The following ADGRG4 variants were observed in gnomAD, a reference collection of about 807,000 sequenced individuals.
ADGRG4 encodes the protein G protein-coupled receptor 112.
In ADGRG4, 122 loss-of-function variants were observed where a neutral mutation model predicts 126.2. That is an observed-to-expected ratio of 0.97 (90% confidence interval 0.83 to 1.12). The LOEUF is 1.12. Ranked by LOEUF, ADGRG4 falls within the 50% of genes most tolerant of loss-of-function variation. The pLI, the probability that ADGRG4 is intolerant of heterozygous loss-of-function variation, is 0.00. For synonymous variants in ADGRG4, 943 were observed against 838.7 expected (o/e 1.12, Z -2.15); for missense variants, 2,481 against 2,251.8 (o/e 1.10, Z -2.06).
chrX:136,356,300 CT>C, intron 9 of ADGRG4, 135 bp downstream of exon 9: 1 of 379,045 alleles, frequency 2.6e-6, no homozygotes, highest in Admixed American at 4.3e-5. Flanking sequence ...AATTACATTA[CT>C]TCCTTTGGGA....
chrX:136,372,081 T>C (rs998756221), intron 14 of ADGRG4, among the ~76,000 whole-genome samples: 4 of 111,516 alleles, frequency 3.6e-5, no homozygotes, highest in African/African-American at 1.3e-4. Context: ...ATCTTAGTGA[T>C]AGCAAGCTTT....
At chrX:136,388,709 C>T (rs949474197) in intron 16 of ADGRG4, among the ~76,000 whole-genome samples, 3 of 111,706 alleles carry the variant, frequency 2.7e-5, no homozygotes, top group African/African-American at 9.8e-5. Context: ...ATTGGGAAGA[C>T]AGTAATCAGA....
In ADGRG4 at chrX:136,322,808, A is replaced by AT. The variant is rs1238901032; in HGVS notation, c.108dup (p.Gly37TrpfsTer4). 3.4e-6 allele frequency: 4 copies of AT among 1,188,113 alleles called. No homozygotes were observed. Among genetic ancestry groups the AT allele is most frequent in the East Asian group, 3.0e-5 (1 of 33,547 alleles). ...CTTTCACTAAAAGGAAAAAAGCTGG[A>AT]TTTTTTTGGAAGAGGTGACACATAT... On this transcript the variant is annotated frameshift_variant, in exon 5 of 26. Transcript: ENST00000394143. LOFTEE classifies it high-confidence loss of function.
intron 4 of ADGRG4, among the ~76,000 whole-genome samples, chrX:136,312,581 G>A (rs1186475853): frequency 3.6e-5 from 4 of 111,612 alleles, no homozygotes; most frequent in East Asian, 2.8e-4. Flanking sequence ...AGTTAAGATC[G>A]CGTCATTGCA....
intron 21 of ADGRG4, among the ~76,000 whole-genome samples, chrX:136,402,251 T>C (rs985181073): frequency 3.6e-5 from 4 of 112,504 alleles, no homozygotes; most frequent in African/African-American, 1.3e-4. Context: ...ACAGTAGATT[T>C]GTTTATATTT....
At chrX:136,362,165 T>C (rs2075132639) in intron 12 of ADGRG4, among the ~76,000 whole-genome samples, 1 of 111,614 alleles carries the variant, frequency 9.0e-6, no homozygotes, top group African/African-American at 3.3e-5. Flanking sequence ...CTGTTCATGG[T>C]TTATGCCATT....
chrX:136,329,562 C>T (rs2074895599), intron 5 of ADGRG4, among the ~76,000 whole-genome samples: 1 of 112,147 alleles, frequency 8.9e-6, no homozygotes, highest in Non-Finnish European at 1.9e-5. Context: ...TATGGCAAAT[C>T]ATGTTTGTGA....
intron 16 of ADGRG4, among the ~76,000 whole-genome samples, chrX:136,389,632 G>A (rs773867905): frequency 8.9e-6 from 1 of 112,158 alleles, no homozygotes; most frequent in East Asian, 2.8e-4. Flanking sequence ...TGGATATTGA[G>A]GACCTCGAGT....
intron 23 of ADGRG4, among the ~76,000 whole-genome samples, chrX:136,410,225 C>T (rs887466647): frequency 5.4e-5 from 6 of 111,584 alleles, no homozygotes; most frequent in Admixed American, 9.5e-5. Context: ...TCTCTTCTCA[C>T]CCTATGTTTT....
At chrX:136,370,177 C>G (rs1391341628) in intron 13 of ADGRG4, among the ~76,000 whole-genome samples, 3 of 111,498 alleles carry the variant, frequency 2.7e-5, no homozygotes, top group African/African-American at 9.8e-5. Flanking sequence ...ATTTTGTTTT[C>G]TGAAACAGAG....
rs371463537 is a variant in ADGRG4 at position 136,353,416 on chromosome X, T to A, written c.6887+15T>A. On this transcript the variant is annotated intron_variant, in intron 8 of 25. Transcript: ENST00000394143. ...ATTAAAAGCAGGTATGTGAATGACATTTACTGTGGGTCAAAGGGCAATTTG... is the reference window on the plus strand; with the variant it reads ...ATTAAAAGCAGGTATGTGAATGACAATTACTGTGGGTCAAAGGGCAATTTG... The A allele has an allele frequency of 2.0e-4, 225 of 1,131,899 alleles. No homozygotes were observed. Among genetic ancestry groups the A allele is most frequent in the Non-Finnish European group, 2.6e-4 (218 of 825,336 alleles). The allele number at this position is 1,131,899 out of a possible 1,213,427, so 93.3% of individuals were successfully genotyped here.
chrX:136,337,181 C>G (rs571272249), intron 5 of ADGRG4, among the ~76,000 whole-genome samples: 3 of 111,470 alleles, frequency 2.7e-5, no homozygotes, highest in Non-Finnish European at 5.7e-5. Flanking sequence ...GCTGCCCAGG[C>G]TGGTCTTGAA....
In ADGRG4 at chrX:136,345,451, C is replaced by T; in HGVS notation, c.1745C>T (p.Thr582Ile). 1 of 1,209,837 alleles carries T rather than the reference C, an allele frequency of 8.3e-7. No individual in the cohort carries two copies. The highest frequency in any genetic ancestry group is 1.1e-6 in the Non-Finnish European group (1 of 893,935). Reference protein sequence around the residue: ...QTVIDAEATRTALTPEITLAS... With the variant: ...QTVIDAEATRIALTPEITLAS... Reference sequence around the variant, plus strand: ...GTTATTGATGCTGAAGCTACACGTACAGCCTTAACTCCTGAAATCACACTT... The same window carrying T: ...GTTATTGATGCTGAAGCTACACGTATAGCCTTAACTCCTGAAATCACACTT... The change falls in exon 6 of 26, where the codon ACA becomes ATA. Residue 582 changes from threonine to isoleucine, a missense_variant. By Grantham distance (89) the Thr-to-Ile change is moderately conservative. Coordinates refer to ENST00000394143, the MANE Select transcript of ADGRG4 (RefSeq NM_153834.4).
chrX:136,354,853 G>A (rs1369083190), intron 8 of ADGRG4, among the ~76,000 whole-genome samples: 1 of 111,718 alleles, frequency 9.0e-6, no homozygotes, highest in East Asian at 2.8e-4. Flanking sequence ...GGGACAAGGG[G>A]AATGGAGCTT....
intron 4 of ADGRG4, among the ~76,000 whole-genome samples, chrX:136,321,480 C>T (rs1420268171): frequency 8.9e-6 from 1 of 111,903 alleles, no homozygotes. Context: ...TATTTACTTC[C>T]TGCTAGCCTC....
Position 136,367,575 on chromosome X carries a change from A to G in ADGRG4, c.7397-3753A>G, listed in dbSNP as rs376255033. ...GACTGAGAAGTCATTTTATATATAT[A>G]AAAAATCTACCGCGGAGTAAAGGAA... On this transcript the variant is annotated intron_variant, in intron 13 of 25. Coordinates refer to ENST00000394143, the MANE Select transcript of ADGRG4 (RefSeq NM_153834.4). 1.2e-4 allele frequency among the ~76,000 whole-genome samples: 13 copies of G among 110,946 alleles called. No individual in the cohort carries two copies. The South Asian group carries it at 4.8e-3, about 41-fold the overall frequency.
At chrX:136,315,916 C>G (rs932225693) in intron 4 of ADGRG4, among the ~76,000 whole-genome samples, 1 of 111,518 alleles carries the variant, frequency 9.0e-6, no homozygotes, top group African/African-American at 3.3e-5. Flanking sequence ...CCACCAGAAA[C>G]TAGGAAAGAG....
In ADGRG4 at chrX:136,400,025, C is replaced by T. The variant is rs751059496; in HGVS notation, c.8484C>T (p.Gly2828=). 49 of 1,205,613 alleles carry T rather than the reference C, an allele frequency of 4.1e-5. No individual in the cohort carries two copies. Among genetic ancestry groups the T allele is most frequent in the Non-Finnish European group, 5.3e-5 (47 of 891,311 alleles). ...TGCTTGTTTCTTTTACTTGGATGGG[C>T]CTGGAGGCAGTCCACATGTATTTGG... ...YFLLVSFTWM[G]LEAVHMYLAL... Residue 2828 remains glycine, a synonymous_variant, in exon 21 of 26, where the codon GGC becomes GGT. Coordinates refer to ENST00000394143, the MANE Select transcript of ADGRG4 (RefSeq NM_153834.4).
intron 5 of ADGRG4, among the ~76,000 whole-genome samples, chrX:136,339,916 A>G: frequency 8.9e-6 from 1 of 112,013 alleles, no homozygotes; most frequent in Admixed American, 9.4e-5. Flanking sequence ...GACAGAGATA[A>G]TATCACTGGC....
Sources: allele counts gnomAD v4.1 joint callset (sites outside exome capture counted in the v4.1 genomes callset), GRCh38; gene constraint gnomAD v4.1.1; transcripts MANE v1.5; gene names NCBI Gene and HGNC (gene_info 2026-07-23, HGNC 2026-07-21).